CDH23: variants seen among roughly 807,000 people sequenced by gnomAD.
CDH23 encodes the protein cadherin-23.
A neutral mutation model predicts 317.1 loss-of-function variants in CDH23; 189 were observed. That is an observed-to-expected ratio of 0.60 (90% CI 0.53 to 0.67). CDH23 has a LOEUF of 0.67. Among genes scored for constraint, CDH23 ranks in the 30% least tolerant of loss-of-function variants. The pLI, the probability that CDH23 is intolerant of heterozygous loss-of-function variation, is 0.00. For synonymous variants in CDH23, 1,839 were observed against 1,876.8 expected, an observed-to-expected ratio of 0.98 and a Z score of 0.52; for missense variants, 4,401 against 4,592.4, an observed-to-expected ratio of 0.96 and a Z score of 1.20.
intron 27 of CDH23, among the ~76,000 whole-genome samples, chr10:71,709,478 G>A (rs1044282376): frequency 6.6e-6 from 1 of 152,248 alleles, no homozygotes; most frequent in Non-Finnish European, 1.5e-5. Flanking sequence ...AGGCAAGCCA[G>A]CAGGAAGGGA....
chr10:71,421,609 A>G (rs1214868719), intron 1 of CDH23, among the ~76,000 whole-genome samples: 1 of 152,192 alleles, frequency 6.6e-6, no homozygotes, highest in Non-Finnish European at 1.5e-5. Context: ...ATCAATATCA[A>G]TTTACTTATG....
At chr10:71,623,629 C>T (rs548257309) in intron 11 of CDH23, among the ~76,000 whole-genome samples, 51 of 152,316 alleles carry the variant, frequency 3.3e-4, no homozygotes, top group Non-Finnish European at 6.2e-4. Context: ...GGGAGACACT[C>T]CCCACTCCCG....
chr10:71,623,828 T>C (rs1360051523), intron 11 of CDH23, among the ~76,000 whole-genome samples: 1 of 152,164 alleles, frequency 6.6e-6, no homozygotes, highest in Non-Finnish European at 1.5e-5. Context: ...GGCTCTGTGA[T>C]TTCAAATCAG....
At chr10:71,644,000 A>T (rs995233386) in intron 12 of CDH23, 134 bp downstream of exon 12, 1 of 664,134 alleles carries the variant, frequency 1.5e-6, no homozygotes, top group Non-Finnish European at 2.7e-6. Context: ...TGGTTGAGGG[A>T]CCAAAGGTTC....
At chr10:71,715,890 A>G (rs1468384274) in intron 28 of CDH23, 36 of 1,427,916 alleles carry the variant, frequency 2.5e-5, no homozygotes, top group Non-Finnish European at 3.3e-5. Flanking sequence ...AGGAGGATCT[A>G]CAGGTAGACC....
intron 55 of CDH23, among the ~76,000 whole-genome samples, chr10:71,803,982 CAA>C (rs35814351): frequency 0.71 from 92,621 of 130,234 alleles, 31,935 homozygotes; most frequent in Non-Finnish European, 0.75. Context: ...GAGACTTTGT[CAA>C]AAAAAAAAAA....
chr10:71,737,765 G>T, intron 34 of CDH23: 1 of 470,340 alleles, frequency 2.1e-6, no homozygotes. Context: ...GCCGTCCGTG[G>T]ACTGGAGGCC....
rs771886033 is a variant in CDH23, at chr10:71,732,176, C to T, written c.3905C>T (p.Thr1302Ile). Reference sequence around the variant, plus strand: ...CAGGGCTTCTGCAGCGTCTACATCACTCTGCTCAACGAGCTGGACGAGGCC... The same window carrying T: ...CAGGGCTTCTGCAGCGTCTACATCATTCTGCTCAACGAGCTGGACGAGGCC... ...FNQGFCSVYI[T>I]LLNELDEAVQ... The change falls in exon 32 of 70, where the codon ACT (threonine) becomes ATT (isoleucine). Residue 1302 changes from threonine to isoleucine, a missense_variant. Physicochemically the swap from Thr to Ile is moderately conservative, Grantham distance 89 (BLOSUM62 -1). Transcript: ENST00000224721. The T allele has an allele frequency of 6.2e-7, 1 of 1,613,992 alleles. No homozygotes were observed.
chr10:71,781,516 A>T (rs1840953527), intron 41 of CDH23, among the ~76,000 whole-genome samples: 1 of 152,176 alleles, frequency 6.6e-6, no homozygotes. Context: ...CCTCCCCATG[A>T]GGGGCCCACT....
intron 1 of CDH23, among the ~76,000 whole-genome samples, chr10:71,436,793 G>A (rs1017441124): frequency 1.3e-5 from 2 of 152,180 alleles, no homozygotes; most frequent in African/African-American, 4.8e-5. Context: ...CTTAGCAGAT[G>A]TTGTTTAATT....
intron 38 of CDH23, among the ~76,000 whole-genome samples, chr10:71,759,900 T>C (rs140948640): frequency 0.12 from 5,094 of 43,744 alleles, 504 homozygotes; most frequent in South Asian, 0.21. Flanking sequence ...CACACACACA[T>C]ATATACACAC....
intron 28 of CDH23, chr10:71,714,722 G>C (rs1304087792): frequency 6.6e-6 from 1 of 152,280 alleles, no homozygotes; most frequent in Non-Finnish European, 1.5e-5. Context: ...TTTGGAGCTG[G>C]GGAGTGGCAA....
At chr10:71,685,165 G>T (rs1171447370) in intron 18 of CDH23, among the ~76,000 whole-genome samples, 1 of 152,184 alleles carries the variant, frequency 6.6e-6, no homozygotes, top group African/African-American at 2.4e-5. Context: ...GGAATTCTCT[G>T]GGGATTTCAT....
In CDH23 at chr10:71,715,782, G is replaced by A. The variant is rs556549438; in HGVS notation, c.3369+2969G>A. 21 of 631,914 alleles carry A rather than the reference G, an allele frequency of 3.3e-5. No homozygotes were observed. In the African/African-American group the frequency reaches 3.5e-4, roughly 10 times the overall value. The allele number at this position is 631,914 out of a possible 1,614,324, so 39.1% of individuals were successfully genotyped here. A position where few individuals can be genotyped will look rare whatever the true frequency, so the allele number is the denominator to read the frequency against. On this transcript the variant is annotated intron_variant, in intron 28 of 69. Coordinates refer to ENST00000224721, the MANE Select transcript of CDH23 (RefSeq NM_022124.6). ...CTGAGGATCATCTTTGGGAAAGGGCGCTGGCCTGGGCATGCAAGGAGCTTC... is the reference window on the plus strand; with the variant it reads ...CTGAGGATCATCTTTGGGAAAGGGCACTGGCCTGGGCATGCAAGGAGCTTC...
intron 6 of CDH23, among the ~76,000 whole-genome samples, chr10:71,549,238 G>A (rs1448098007): frequency 6.6e-6 from 1 of 152,256 alleles, no homozygotes; most frequent in African/African-American, 2.4e-5. Flanking sequence ...TGTCCCATTA[G>A]TGGACATTCA....
At chr10:71,803,112 G>A (rs1411389699) in intron 54 of CDH23, 37 bp downstream of exon 54, 1 of 1,601,810 alleles carries the variant, frequency 6.2e-7, no homozygotes, top group East Asian at 2.2e-5. Context: ...GATGTCTTGG[G>A]GGGTGGGAGG....
chr10:71,447,382 G>T (rs1290213033), intron 3 of CDH23, among the ~76,000 whole-genome samples: 1 of 152,154 alleles, frequency 6.6e-6, no homozygotes, highest in Non-Finnish European at 1.5e-5. Context: ...CTCCAGTGGG[G>T]TGCCTTACGC....
chr10:71,660,912 AC>A (rs1863619529), intron 14 of CDH23, among the ~76,000 whole-genome samples: 1 of 152,188 alleles, frequency 6.6e-6, no homozygotes, highest in Non-Finnish European at 1.5e-5. Context: ...AATGATAGGT[AC>A]TAATATTGAG....
At chr10:71,669,088 G>A (rs1400615529) in intron 14 of CDH23, among the ~76,000 whole-genome samples, 2 of 152,232 alleles carry the variant, frequency 1.3e-5, no homozygotes, top group African/African-American at 4.8e-5. Context: ...GAGGCTGACT[G>A]CAAGGACAGT....
Sources: allele counts gnomAD v4.1 joint callset (sites outside exome capture counted in the v4.1 genomes callset), GRCh38; gene constraint gnomAD v4.1.1; transcripts MANE v1.5; gene names NCBI Gene and HGNC (gene_info 2026-07-23, HGNC 2026-07-21).